CDH12: variants seen among roughly 807,000 people sequenced by gnomAD.
CDH12 encodes cadherin 12, also known as cadherin-12.
CDH12 carries 41 observed loss-of-function variants against 74.1 expected under a neutral mutation model. That is an observed-to-expected ratio of 0.55 (90% CI 0.43 to 0.72). CDH12 has a LOEUF of 0.72. Ranked by LOEUF, CDH12 falls within the 30% of genes least tolerant of loss-of-function variation. The pLI, the probability that CDH12 is intolerant of heterozygous loss-of-function variation, is 0.00. For missense variants in CDH12, 945 were observed against 977.2 expected (o/e 0.97, Z 0.44); for synonymous variants, 399 against 355.0 (o/e 1.12, Z -1.39).
chr5:21,887,815 G>A (rs570770028), intron 6 of CDH12, among the ~76,000 whole-genome samples: 9 of 152,182 alleles, frequency 5.9e-5, no homozygotes, highest in African/African-American at 1.7e-4. Context: ...CAGGGCCCGG[G>A]TAATTCACTG....
At chr5:22,499,396 T>C (rs1260978838) in intron 2 of CDH12, among the ~76,000 whole-genome samples, 2 of 152,192 alleles carry the variant, frequency 1.3e-5, no homozygotes, top group Non-Finnish European at 2.9e-5. Context: ...TTAGTTTACA[T>C]GGCAGAAAAG....
At chr5:22,546,470 C>A (rs932960485) in intron 1 of CDH12, among the ~76,000 whole-genome samples, 4 of 152,138 alleles carry the variant, frequency 2.6e-5, no homozygotes, top group South Asian at 2.1e-4. Context: ...CAATCATCGA[C>A]CTTCCATATA....
intron 3 of CDH12, among the ~76,000 whole-genome samples, chr5:22,365,330 T>C (rs942326556): frequency 6.6e-6 from 1 of 152,198 alleles, no homozygotes; most frequent in African/African-American, 2.4e-5. Flanking sequence ...AGTAAAATCA[T>C]CTCATCTCTA....
intron 5 of CDH12, among the ~76,000 whole-genome samples, chr5:22,065,719 T>A (rs1351238438): frequency 6.6e-6 from 1 of 152,100 alleles, no homozygotes; most frequent in African/African-American, 2.4e-5. Context: ...GAACTTACAG[T>A]AGGAATTGTT....
At chr5:22,847,871 T>A (rs936377420) in intron 1 of CDH12, among the ~76,000 whole-genome samples, 1 of 149,766 alleles carries the variant, frequency 6.7e-6, no homozygotes, top group Non-Finnish European at 1.5e-5. Flanking sequence ...TCTTTTATTC[T>A]TTTTTTTTCT....
At chr5:21,996,285 CTAAA>C (rs1404274373) in intron 5 of CDH12, among the ~76,000 whole-genome samples, 1 of 152,018 alleles carries the variant, frequency 6.6e-6, no homozygotes, top group Non-Finnish European at 1.5e-5. Context: ...TAGGTAGCTC[CTAAA>C]CCAAATTATA....
At chr5:22,759,081 A>G (rs2127051670) in intron 1 of CDH12, among the ~76,000 whole-genome samples, 1 of 152,288 alleles carries the variant, frequency 6.6e-6, no homozygotes, top group Non-Finnish European at 1.5e-5. Context: ...ACACAGACCC[A>G]AACAAGTCCA....
chr5:22,265,128 G>A (rs1168981528), intron 3 of CDH12, among the ~76,000 whole-genome samples: 2 of 152,146 alleles, frequency 1.3e-5, no homozygotes, highest in African/African-American at 4.8e-5. Flanking sequence ...GAGAACAGCA[G>A]AGGTATGAGA....
chr5:21,912,336 C>G (rs1267374326), intron 6 of CDH12, among the ~76,000 whole-genome samples: 1 of 151,304 alleles, frequency 6.6e-6, no homozygotes, highest in Non-Finnish European at 1.5e-5. Context: ...AAGGGACTTA[C>G]ATAACTCTTA....
At chr5:21,770,025 G>A (rs564497457) in intron 11 of CDH12, among the ~76,000 whole-genome samples, 16 of 152,162 alleles carry the variant, frequency 1.1e-4, no homozygotes, top group Admixed American at 2.6e-4. Flanking sequence ...AACTCAGAGA[G>A]CAAGAAGATG....
intron 6 of CDH12, among the ~76,000 whole-genome samples, chr5:21,909,629 G>A (rs1192806754): frequency 3.3e-5 from 5 of 152,054 alleles, no homozygotes; most frequent in South Asian, 4.2e-4. Flanking sequence ...TAAAATTTGG[G>A]GCCAGTAATA....
At position 22,549,670 on chromosome 5, in the gene CDH12, A is replaced by G. The variant is rs762309644; in HGVS notation, c.-522-44306T>C. Among the ~76,000 whole-genome samples, 71 of 152,320 alleles carry G rather than the reference A, an allele frequency of 4.7e-4. 1 individual carries two copies. Among genetic ancestry groups the G allele is most frequent in the Non-Finnish European group, 9.4e-4 (64 of 68,026 alleles). On this transcript the variant is annotated intron_variant, in intron 1 of 14. Transcript: ENST00000382254. ...CAAAACGACTGGAAATTTCTAATAT[A>G]GAGAAATATTTCATAATTTGTACTG...
At chr5:22,686,454 C>T (rs1289815110) in intron 1 of CDH12, among the ~76,000 whole-genome samples, 1 of 152,174 alleles carries the variant, frequency 6.6e-6, no homozygotes, top group Non-Finnish European at 1.5e-5. Flanking sequence ...CTTCGCCTAA[C>T]TAAAGGTCAT....
intron 4 of CDH12, among the ~76,000 whole-genome samples, chr5:22,200,885 T>A (rs1182214434): frequency 6.6e-6 from 1 of 152,186 alleles, no homozygotes; most frequent in Non-Finnish European, 1.5e-5. Flanking sequence ...ATCAAAGAGT[T>A]TGAAGTGTGG....
At chr5:22,050,592 T>C (rs917392162) in intron 5 of CDH12, among the ~76,000 whole-genome samples, 11 of 152,140 alleles carry the variant, frequency 7.2e-5, no homozygotes, top group African/African-American at 2.7e-4. Flanking sequence ...TTGCATGCAT[T>C]TTCTCCTTAC....
intron 4 of CDH12, among the ~76,000 whole-genome samples, chr5:22,186,823 T>A (rs1749979433): frequency 6.6e-6 from 1 of 152,136 alleles, no homozygotes; most frequent in Non-Finnish European, 1.5e-5. Context: ...TAAGTTGTAA[T>A]GACACAGTTG....
intron 6 of CDH12, among the ~76,000 whole-genome samples, chr5:21,929,441 C>T (rs1754737462): frequency 6.6e-6 from 1 of 151,708 alleles, no homozygotes; most frequent in Non-Finnish European, 1.5e-5. Context: ...GCCTAGATCC[C>T]TGGCATGCTC....
intron 3 of CDH12, among the ~76,000 whole-genome samples, chr5:22,344,998 A>G (rs1462982372): frequency 6.6e-6 from 1 of 152,204 alleles, no homozygotes. Context: ...CCATTTCTGT[A>G]ATTGGCATAC....
intron 6 of CDH12, among the ~76,000 whole-genome samples, chr5:21,941,052 A>G (rs1190096287): frequency 3.3e-5 from 5 of 152,202 alleles, no homozygotes; most frequent in African/African-American, 1.2e-4. Context: ...TTTTGCTTCA[A>G]AAGGAACTGA....
Sources: gnomAD v4.1 joint callset for allele counts (sites outside exome capture counted in the v4.1 genomes callset) on GRCh38, gnomAD v4.1.1 for gene constraint, MANE v1.5 for transcripts, NCBI Gene and HGNC (gene_info 2026-07-23, HGNC 2026-07-21) for gene names.